RIMS2: variants seen among roughly 807,000 people sequenced by gnomAD.
RIMS2 encodes regulating synaptic membrane exocytosis 2, also known as regulating synaptic membrane exocytosis protein 2.
RIMS2 carries 59 observed loss-of-function variants against 174.4 expected under a neutral mutation model. The observed-to-expected ratio is 0.34, with a 90% CI of 0.27 to 0.42. The LOEUF (loss-of-function observed/expected upper bound fraction) is 0.42, where lower values mean the gene tolerates loss of function less well. Among genes scored for constraint, RIMS2 ranks in the 10% least tolerant of loss-of-function variants. The pLI is 1.00. For synonymous variants in RIMS2, 606 were observed against 572.5 expected (o/e 1.06, Z -0.84); for missense variants, 1,620 against 1,666.3 (o/e 0.97, Z 0.48).
intron 1 of RIMS2, among the ~76,000 whole-genome samples, chr8:103,522,428 A>T (rs548202221): frequency 6.6e-6 from 1 of 152,248 alleles, no homozygotes; most frequent in East Asian, 1.9e-4. Flanking sequence ...TGGTCATGTT[A>T]AACAGAGTTG....
intron 13 of RIMS2, among the ~76,000 whole-genome samples, chr8:103,939,233 C>G (rs745912616): frequency 5.3e-5 from 8 of 152,364 alleles, no homozygotes; most frequent in Non-Finnish European, 7.3e-5. Context: ...CCTGGACATC[C>G]AGGCATTTCC....
At chr8:103,912,539 A>C (rs1004990746) in intron 6 of RIMS2, among the ~76,000 whole-genome samples, 2 of 152,162 alleles carry the variant, frequency 1.3e-5, no homozygotes, top group African/African-American at 4.8e-5. Context: ...ACTGAAAATG[A>C]AAACTTGGGA....
rs181129582 is a variant in RIMS2 at position 104,242,759 on chromosome 8, G to T, written c.3335-2157G>T. On this transcript the variant is annotated intron_variant, in intron 19 of 23. Transcript: ENST00000504942. Reference sequence around the variant, plus strand: ...GAAACAGGTTGCATGTTTTTGTCTAGAACAACTTGACAAGTGATGCTTTGT... The same window carrying T: ...GAAACAGGTTGCATGTTTTTGTCTATAACAACTTGACAAGTGATGCTTTGT... Among the ~76,000 whole-genome samples, 16 of 152,294 alleles carry T rather than the reference G, an allele frequency of 1.1e-4. No individual in the cohort carries two copies. In the East Asian group the frequency reaches 3.1e-3, roughly 29 times the overall value.
intron 19 of RIMS2, among the ~76,000 whole-genome samples, chr8:104,025,510 A>T (rs1006273261): frequency 2.6e-5 from 4 of 152,116 alleles, no homozygotes; most frequent in African/African-American, 7.2e-5. Flanking sequence ...CAAACAAAAA[A>T]GTTTGAAGTT....
intron 3 of RIMS2, chr8:103,819,731 G>T (rs2098740061): frequency 3.7e-6 from 3 of 813,656 alleles, no homozygotes; most frequent in Non-Finnish European, 5.7e-6. Flanking sequence ...GTGTTATAAA[G>T]GTGTTATCTG....
At chr8:103,559,507 G>C (rs2091233803) in intron 1 of RIMS2, 1 of 260,488 alleles carries the variant, frequency 3.8e-6, no homozygotes, top group African/African-American at 2.4e-5. Flanking sequence ...TGAGAAGGGA[G>C]CAGGACTGAG....
At chr8:103,508,168 T>A (rs1047055325) in intron 1 of RIMS2, among the ~76,000 whole-genome samples, 1 of 152,066 alleles carries the variant, frequency 6.6e-6, no homozygotes, top group East Asian at 1.9e-4. Flanking sequence ...AATACAGATA[T>A]CTCTGGGAGT....
At chr8:103,592,046 T>C (rs2094288187) in intron 1 of RIMS2, among the ~76,000 whole-genome samples, 2 of 151,208 alleles carry the variant, frequency 1.3e-5, no homozygotes, top group Admixed American at 1.3e-4. Context: ...ATATACCTCT[T>C]GATTTATTTA....
At chr8:104,050,714 A>T (rs2096771639) in intron 19 of RIMS2, among the ~76,000 whole-genome samples, 1 of 152,202 alleles carries the variant, frequency 6.6e-6, no homozygotes, top group South Asian at 2.1e-4. Context: ...AAAGCGTAGC[A>T]CTGGACGGTA....
chr8:103,574,851 A>ATCT (rs2093095660), intron 1 of RIMS2, among the ~76,000 whole-genome samples: 1 of 152,218 alleles, frequency 6.6e-6, no homozygotes, highest in Non-Finnish European at 1.5e-5. Flanking sequence ...TCTGCCAAAG[A>ATCT]TACAAAGGAG....
intron 3 of RIMS2, among the ~76,000 whole-genome samples, chr8:103,852,905 CT>C (rs1386362567): frequency 6.6e-6 from 1 of 151,948 alleles, no homozygotes; most frequent in Non-Finnish European, 1.5e-5. Flanking sequence ...ATCTATTTTC[CT>C]TTGGTTATAT....
Position 103,730,970 on chromosome 8 carries a change from G to A in RIMS2, c.387+33674G>A, listed in dbSNP as rs568693716. ...GGGAGGCCTCACAGTCATGGCAGAA[G>A]GTGAAGAGGAGCAAAGTCACATCTT... On this transcript the variant is annotated intron_variant, in intron 2 of 23. Coordinates refer to ENST00000504942, the Ensembl canonical transcript of RIMS2. Among the ~76,000 whole-genome samples, 9 of 152,312 alleles carry A rather than the reference G, an allele frequency of 5.9e-5. No individual in the cohort carries two copies. In the South Asian group the frequency reaches 1.5e-3, roughly 25 times the overall value.
chr8:103,724,748 C>G (rs957734542), intron 2 of RIMS2, among the ~76,000 whole-genome samples: 1 of 152,164 alleles, frequency 6.6e-6, no homozygotes, highest in Non-Finnish European at 1.5e-5. Context: ...TTTTTATCCA[C>G]TAATGTTCAC....
intron 14 of RIMS2, among the ~76,000 whole-genome samples, chr8:103,951,538 C>A (rs1173159693): frequency 1.3e-5 from 2 of 152,170 alleles, no homozygotes; most frequent in East Asian, 1.9e-4. Context: ...GCCAAGGGAA[C>A]CCATTAGGGA....
chr8:104,006,963 C>T (rs536860186), intron 17 of RIMS2, among the ~76,000 whole-genome samples: 25 of 151,782 alleles, frequency 1.6e-4, no homozygotes, highest in South Asian at 6.2e-4. Flanking sequence ...AAAAACTATC[C>T]CTGCTATCAA....
At chr8:103,764,548 A>G (rs1468276482) in intron 2 of RIMS2, among the ~76,000 whole-genome samples, 2 of 152,162 alleles carry the variant, frequency 1.3e-5, no homozygotes, top group Admixed American at 1.3e-4. Flanking sequence ...GATGGGTTAG[A>G]TATATTTCAT....
chr8:103,659,665 C>G (rs1180455971), intron 1 of RIMS2, among the ~76,000 whole-genome samples: 1 of 152,226 alleles, frequency 6.6e-6, no homozygotes, highest in Non-Finnish European at 1.5e-5. Context: ...AAGCAGCCCC[C>G]GCTCCTCCCT....
At chr8:103,624,905 T>C (rs192589746) in intron 1 of RIMS2, among the ~76,000 whole-genome samples, 2 of 152,212 alleles carry the variant, frequency 1.3e-5, no homozygotes, top group East Asian at 1.9e-4. Context: ...ATAAATAAAA[T>C]GGTGCACAGA....
chr8:103,952,878 C>T lies in RIMS2; in HGVS notation c.2702-8187C>T, dbSNP rs547749551. Among the ~76,000 whole-genome samples the T allele has an allele frequency of 3.5e-4, 54 of 152,152 alleles. No individual in the cohort carries two copies. In the South Asian group the frequency reaches 4.4e-3, roughly 12 times the overall value. On this transcript the variant is annotated intron_variant, in intron 14 of 23. Transcript: ENST00000504942. ...CTAAGAACCTTGAAAAAAGGTTAGA[C>T]GAATTGCTAACTAGAATAACCAGTT...
Sources: gnomAD v4.1 joint callset for allele counts (sites outside exome capture counted in the v4.1 genomes callset) on GRCh38, gnomAD v4.1.1 for gene constraint, MANE v1.5 for transcripts, NCBI Gene and HGNC (gene_info 2026-07-23, HGNC 2026-07-21) for gene names.